Variants in LHFPL3 observed in about 807,000 individuals in gnomAD.
LHFPL3 encodes LHFPL tetraspan subfamily member 3 protein.
A neutral mutation model predicts 19.3 loss-of-function variants in LHFPL3; 5 were observed. The ratio of observed to expected loss-of-function variants is 0.26; its 90% CI spans 0.14 to 0.54. LHFPL3 has a LOEUF of 0.54. Among genes scored for constraint, LHFPL3 ranks in the 20% least tolerant of loss-of-function variants. The pLI is 0.94. For missense variants in LHFPL3, 249 were observed against 307.4 expected, an observed-to-expected ratio of 0.81 and a Z score of 1.42; for synonymous variants, 133 against 126.2, an observed-to-expected ratio of 1.05 and a Z score of -0.36.
At chr7:104,460,620 T>C (rs1317261677) in intron 1 of LHFPL3, among the ~76,000 whole-genome samples, 3 of 152,216 alleles carry the variant, frequency 2.0e-5, no homozygotes, top group African/African-American at 7.2e-5. Flanking sequence ...GTTTTTTTAA[T>C]ATGATTGTTG....
chr7:104,430,434 A>ATACATG (rs1562895289), intron 1 of LHFPL3, among the ~76,000 whole-genome samples: 1 of 14,330 alleles, frequency 7.0e-5, no homozygotes, highest in African/African-American at 2.8e-4. Context: ...ATATATATAT[A>ATACATG]TATATATATA....
intron 1 of LHFPL3, among the ~76,000 whole-genome samples, chr7:104,712,904 C>G (rs1379199717): frequency 6.6e-6 from 1 of 152,080 alleles, no homozygotes; most frequent in African/African-American, 2.4e-5. Context: ...CACAATTTGT[C>G]CCAAATAAAA....
At chr7:104,427,240 A>G (rs1035906863) in intron 1 of LHFPL3, among the ~76,000 whole-genome samples, 3 of 152,230 alleles carry the variant, frequency 2.0e-5, no homozygotes, top group African/African-American at 7.2e-5. Flanking sequence ...AGACCAGTGT[A>G]GCTCTCAAGT....
At chr7:104,551,184 A>G (rs940330157) in intron 1 of LHFPL3, among the ~76,000 whole-genome samples, 17 of 152,162 alleles carry the variant, frequency 1.1e-4, no homozygotes, top group Admixed American at 4.6e-4. Context: ...TATTAAGTTG[A>G]TTCAGGGGAA....
At chr7:104,414,192 A>G (rs981138028) in intron 1 of LHFPL3, among the ~76,000 whole-genome samples, 2 of 152,112 alleles carry the variant, frequency 1.3e-5, no homozygotes, top group African/African-American at 4.8e-5. Context: ...AATCAGAGTC[A>G]TGCTGAAAAT....
intron 2 of LHFPL3, among the ~76,000 whole-genome samples, chr7:104,814,303 T>C (rs62485083): frequency 0.2 from 30,144 of 151,964 alleles, 3,208 homozygotes; most frequent in East Asian, 0.35. Flanking sequence ...GTGGCTCCTC[T>C]CTGCACCTGG....
Position 104,516,586 on chromosome 7 carries a change from C to G in LHFPL3, c.445+187362C>G, listed in dbSNP as rs59183784. On this transcript the variant is annotated intron_variant, in intron 1 of 2. Coordinates refer to ENST00000424859, the MANE Select transcript of LHFPL3 (RefSeq NM_199000.3). ...TCATTAGGGAAATGTGAATCAAAAC[C>G]ACAGTGAGATATCCTCTCACACTAG... 2.6e-3 allele frequency among the ~76,000 whole-genome samples: 388 copies of G among 151,840 alleles called. 2 individuals are homozygous for G. The highest frequency in any genetic ancestry group is 9.1e-3 in the African/African-American group (377 of 41,392).
intron 2 of LHFPL3, chr7:104,845,409 G>A (rs1791295186): frequency 1.3e-6 from 2 of 1,535,820 alleles, no homozygotes. Context: ...GGCAAACTAA[G>A]GTAGTGTGAG....
intron 1 of LHFPL3, among the ~76,000 whole-genome samples, chr7:104,696,474 T>C (rs1792998814): frequency 2.7e-5 from 4 of 146,578 alleles, no homozygotes; most frequent in Admixed American, 2.0e-4. Flanking sequence ...GTGTGTGTGC[T>C]TACATATATG....
At chr7:104,647,744 G>A (rs1791957481) in intron 1 of LHFPL3, among the ~76,000 whole-genome samples, 1 of 152,196 alleles carries the variant, frequency 6.6e-6, no homozygotes, top group African/African-American at 2.4e-5. Context: ...GGCAGCTGCG[G>A]TTCCTGCCAT....
At chr7:104,332,223 C>CTTTTTT (rs1183733733) in intron 1 of LHFPL3, among the ~76,000 whole-genome samples, 1,004 of 64,004 alleles carry the variant, frequency 0.016, 8 homozygotes, top group African/African-American at 0.017. Context: ...TATTTCTTTT[C>CTTTTTT]TTTTTTTTTT....
intron 2 of LHFPL3, among the ~76,000 whole-genome samples, chr7:104,821,618 C>T (rs776935443): frequency 2.6e-5 from 4 of 152,126 alleles, no homozygotes; most frequent in African/African-American, 9.7e-5. Flanking sequence ...AAAGGCATTA[C>T]GTGCAACATG....
At chr7:104,382,712 C>T (rs1034132228) in intron 1 of LHFPL3, among the ~76,000 whole-genome samples, 8 of 152,066 alleles carry the variant, frequency 5.3e-5, no homozygotes, top group South Asian at 4.1e-4. Flanking sequence ...GTCCCATTCC[C>T]GTAAAGAAAT....
intron 1 of LHFPL3, among the ~76,000 whole-genome samples, chr7:104,539,786 T>C (rs1584389186): frequency 6.6e-6 from 1 of 152,234 alleles, no homozygotes; most frequent in Non-Finnish European, 1.5e-5. Context: ...TTTTCCACTT[T>C]TTTAGTATAA....
At chr7:104,652,474 A>G (rs1792050571) in intron 1 of LHFPL3, among the ~76,000 whole-genome samples, 1 of 152,194 alleles carries the variant, frequency 6.6e-6, no homozygotes, top group Non-Finnish European at 1.5e-5. Context: ...ATATCTGTAT[A>G]GAAGGTGTAA....
intron 1 of LHFPL3, among the ~76,000 whole-genome samples, chr7:104,665,614 T>C (rs1054635658): frequency 1.3e-5 from 2 of 152,232 alleles, no homozygotes; most frequent in African/African-American, 4.8e-5. Flanking sequence ...TTATAGATGT[T>C]ATAGACACCC....
chr7:104,453,692 G>A (rs2116605987), intron 1 of LHFPL3, among the ~76,000 whole-genome samples: 1 of 152,108 alleles, frequency 6.6e-6, no homozygotes, highest in East Asian at 1.9e-4. Context: ...CCGGTGGGAG[G>A]TGTTTGGATC....
chr7:104,552,242 T>A (rs1794674718), intron 1 of LHFPL3, among the ~76,000 whole-genome samples: 1 of 152,162 alleles, frequency 6.6e-6, no homozygotes, highest in African/African-American at 2.4e-5. Context: ...AACCAAGATG[T>A]GCAGGAATAA....
At chr7:104,872,290 T>G (rs976397619) in intron 2 of LHFPL3, among the ~76,000 whole-genome samples, 2 of 151,568 alleles carry the variant, frequency 1.3e-5, no homozygotes, top group Non-Finnish European at 2.9e-5. Context: ...TGAGCCGAGA[T>G]TGTGCCACTT....
Sources: allele counts gnomAD v4.1 joint callset (sites outside exome capture counted in the v4.1 genomes callset), GRCh38; gene constraint gnomAD v4.1.1; transcripts MANE v1.5; gene names NCBI Gene and HGNC (gene_info 2026-07-23, HGNC 2026-07-21).